Variants in LINGO2 observed in about 807,000 individuals in gnomAD.
LINGO2 encodes the protein leucine rich repeat and Ig domain containing 2, also known as leucine-rich repeat and immunoglobulin-like domain-containing nogo receptor-interacting protein 2.
A neutral mutation model predicts 30.6 loss-of-function variants in LINGO2; 14 were observed. The ratio of observed to expected loss-of-function variants is 0.46; its 90% CI spans 0.30 to 0.72. The LOEUF is 0.72. Ranked by LOEUF, LINGO2 falls within the 30% of genes least tolerant of loss-of-function variation. LINGO2 has a pLI of 0.07. For synonymous variants in LINGO2, 317 were observed against 288.5 expected, an observed-to-expected ratio of 1.10 and a Z score of -1.00; for missense variants, 729 against 751.7, an observed-to-expected ratio of 0.97 and a Z score of 0.35.
the LINGO2 span, among the ~76,000 whole-genome samples, chr9:28,705,950 A>T: frequency 6.6e-6 from 1 of 151,938 alleles, no homozygotes; most frequent in East Asian, 1.9e-4. Context: ...CAAATTGTTC[A>T]GATTTTTACT....
At chr9:28,239,922 C>T (rs1369007144) in intron 4 of LINGO2, among the ~76,000 whole-genome samples, 1 of 152,010 alleles carries the variant, frequency 6.6e-6, no homozygotes, top group Non-Finnish European at 1.5e-5. Flanking sequence ...AACTGATAAA[C>T]AAATTCAGTA....
chr9:28,871,292 A>C, the LINGO2 span, among the ~76,000 whole-genome samples: 1 of 151,510 alleles, frequency 6.6e-6, no homozygotes, highest in South Asian at 2.1e-4. Context: ...TGCTAATTGA[A>C]AATGAAATTA....
At chr9:28,781,616 T>C in the LINGO2 span, among the ~76,000 whole-genome samples, 1 of 152,172 alleles carries the variant, frequency 6.6e-6, no homozygotes, top group African/African-American at 2.4e-5. Context: ...AGGCATGGAG[T>C]GAACATCATT....
At chr9:28,761,128 A>T in the LINGO2 span, among the ~76,000 whole-genome samples, 3 of 151,826 alleles carry the variant, frequency 2.0e-5, no homozygotes, top group African/African-American at 4.8e-5. Flanking sequence ...GATACCCAGT[A>T]GTGGGATTGC....
intron 1 of LINGO2, among the ~76,000 whole-genome samples, chr9:28,619,690 G>A (rs919857703): frequency 6.6e-6 from 1 of 152,082 alleles, no homozygotes; most frequent in Non-Finnish European, 1.5e-5. Flanking sequence ...TCTTGGAGGT[G>A]CCAGTGTGGC....
At chr9:28,635,372 A>C (rs1234882925) in intron 1 of LINGO2, among the ~76,000 whole-genome samples, 1 of 152,216 alleles carries the variant, frequency 6.6e-6, no homozygotes, top group Non-Finnish European at 1.5e-5. Flanking sequence ...TTTGATATAA[A>C]AATTTAATGA....
chr9:28,948,971 C>T, the LINGO2 span, among the ~76,000 whole-genome samples: 2 of 152,068 alleles, frequency 1.3e-5, no homozygotes, highest in African/African-American at 2.4e-5. Context: ...ATAATATTGA[C>T]ATCTCAATTC....
the LINGO2 span, among the ~76,000 whole-genome samples, chr9:29,002,500 C>G: frequency 6.6e-6 from 1 of 152,062 alleles, no homozygotes; most frequent in Admixed American, 6.6e-5. Context: ...ATTGTGAAGG[C>G]AAACTGAGAA....
At chr9:28,603,948 T>C (rs1276291785) in intron 1 of LINGO2, among the ~76,000 whole-genome samples, 1 of 152,086 alleles carries the variant, frequency 6.6e-6, no homozygotes, top group Non-Finnish European at 1.5e-5. Context: ...ATAAACATTG[T>C]TTCTTCTGTT....
chr9:28,970,001 A>G, the LINGO2 span, among the ~76,000 whole-genome samples: 1 of 152,202 alleles, frequency 6.6e-6, no homozygotes, highest in African/African-American at 2.4e-5. Context: ...TTTATGATTC[A>G]TCAGCATATA....
chr9:28,617,978 T>C (rs1204281148), intron 1 of LINGO2, among the ~76,000 whole-genome samples: 1 of 152,182 alleles, frequency 6.6e-6, no homozygotes, highest in Non-Finnish European at 1.5e-5. Context: ...ATCACTGAAG[T>C]TGAAGCTTTT....
chr9:28,542,345 G>C (rs1168575680), intron 1 of LINGO2, among the ~76,000 whole-genome samples: 3 of 151,976 alleles, frequency 2.0e-5, no homozygotes, highest in African/African-American at 7.2e-5. Flanking sequence ...GTCTTCTTGA[G>C]TCAGAATCTG....
chr9:29,019,853 G>A, the LINGO2 span, among the ~76,000 whole-genome samples: 1 of 152,062 alleles, frequency 6.6e-6, no homozygotes, highest in East Asian at 1.9e-4. Flanking sequence ...CAAAAGCTCA[G>A]TCTCTAGTAC....
At chr9:29,111,341 A>G in the LINGO2 span, among the ~76,000 whole-genome samples, 1 of 152,154 alleles carries the variant, frequency 6.6e-6, no homozygotes, top group African/African-American at 2.4e-5. Flanking sequence ...TTGTTATTCT[A>G]AAATGGCAGT....
the LINGO2 span, among the ~76,000 whole-genome samples, chr9:28,955,558 T>C: frequency 6.6e-6 from 1 of 152,052 alleles, no homozygotes; most frequent in Non-Finnish European, 1.5e-5. Flanking sequence ...TCTTGGTGCA[T>C]GAGAACGAGA....
intron 1 of LINGO2, among the ~76,000 whole-genome samples, chr9:28,594,908 T>C (rs1039567362): frequency 2.0e-5 from 3 of 152,088 alleles, no homozygotes; most frequent in Non-Finnish European, 4.4e-5. Flanking sequence ...ACTGGAGATG[T>C]GGTGTATAAA....
chr9:28,564,665 G>T lies in LINGO2; in HGVS notation c.-364-88640C>A, dbSNP rs369108668. Among the ~76,000 whole-genome samples, 11 of 152,066 alleles carry T rather than the reference G, an allele frequency of 7.2e-5. No homozygotes were observed. In the East Asian group the frequency reaches 9.6e-4, roughly 13 times the overall value. On this transcript the variant is annotated intron_variant, in intron 1 of 5. Coordinates refer to ENST00000379992, the Ensembl canonical transcript of LINGO2. The stretch of plus-strand genomic sequence containing the variant: ...ATCTTGAATCTTAGGGCTCCAATGT[G>T]CTTTTCAAGAATTTTCTTTTCTCTG...
At chr9:28,947,224 T>A in the LINGO2 span, among the ~76,000 whole-genome samples, 1 of 152,090 alleles carries the variant, frequency 6.6e-6, no homozygotes, top group Admixed American at 6.6e-5. Flanking sequence ...TTATGCTGAA[T>A]GGAATGTTTC....
chr9:28,755,643 C>A, the LINGO2 span, among the ~76,000 whole-genome samples: 1 of 152,074 alleles, frequency 6.6e-6, no homozygotes. Flanking sequence ...CTGGAGATGT[C>A]ATCATGGCTT....
Sources: allele counts gnomAD v4.1 joint callset (sites outside exome capture counted in the v4.1 genomes callset), GRCh38; gene constraint gnomAD v4.1.1; transcripts MANE v1.5; gene names NCBI Gene and HGNC (gene_info 2026-07-23, HGNC 2026-07-21).